Variants in PM20D2 observed in about 807,000 individuals in gnomAD.
PM20D2 encodes peptidase M20 domain containing 2.
Under a neutral mutation model 42.9 loss-of-function variants are expected in PM20D2, and 33 were observed. The observed-to-expected ratio is 0.77, with a 90% CI of 0.58 to 1.03. The LOEUF (loss-of-function observed/expected upper bound fraction) is 1.03, where lower values mean the gene tolerates loss of function less well. Among genes scored for constraint, PM20D2 ranks in the 50% least tolerant of loss-of-function variants. The pLI is 0.00. For missense variants in PM20D2, 548 were observed against 557.0 expected, an observed-to-expected ratio of 0.98 and a Z score of 0.16; for synonymous variants, 250 against 228.2, an observed-to-expected ratio of 1.10 and a Z score of -0.86.
the PM20D2 span, among the ~76,000 whole-genome samples, chr6:89,101,709 A>T: frequency 1.8e-3 from 274 of 152,256 alleles, 3 homozygotes; most frequent in African/African-American, 6.3e-3. Context: ...AAAAAAAATA[A>T]AAATAAAAAT....
the PM20D2 span, among the ~76,000 whole-genome samples, chr6:89,120,040 G>GA: frequency 6.6e-5 from 10 of 152,214 alleles, no homozygotes; most frequent in Non-Finnish European, 1.0e-4. Context: ...GGCAGACAGA[G>GA]AATGAGAGCC....
At chr6:89,154,576 A>C (rs937945097) in intron 3 of PM20D2, among the ~76,000 whole-genome samples, 172 bp from the exon 4 acceptor site, 32 of 152,194 alleles carry the variant, frequency 2.1e-4, no homozygotes, top group African/African-American at 7.7e-4. Flanking sequence ...ACCCTATGTA[A>C]AGAAATTTCA....
At chr6:89,151,334 A>T (rs1770832814) in intron 2 of PM20D2, among the ~76,000 whole-genome samples, 1 of 149,470 alleles carries the variant, frequency 6.7e-6, no homozygotes, top group Admixed American at 6.7e-5. Flanking sequence ...GGTTCAAGGG[A>T]TTCTCCTGCC....
At chr6:89,143,287 T>TC (rs1444669707), upstream of PM20D2, among the ~76,000 whole-genome samples, 2 of 152,232 alleles carry the variant, frequency 1.3e-5, no homozygotes, top group Admixed American at 6.5e-5. Context: ...GGCTGTATTT[T>TC]AGTTGCTTTT....
intron 1 of PM20D2, among the ~76,000 whole-genome samples, chr6:89,146,811 G>C (rs1208662047): frequency 3.3e-5 from 5 of 152,356 alleles, no homozygotes; most frequent in Middle Eastern, 3.4e-3. Context: ...TCGCGTTGCC[G>C]ACCTGGCGAC....
the PM20D2 span, among the ~76,000 whole-genome samples, chr6:89,134,132 T>A: frequency 6.6e-6 from 1 of 151,202 alleles, no homozygotes; most frequent in Non-Finnish European, 1.5e-5. Flanking sequence ...CCTGCCGGCA[T>A]TTATTCAGCA....
chr6:89,155,054 T>C, intron 4 of PM20D2, 152 bp downstream of exon 4: 1 of 639,684 alleles, frequency 1.6e-6, no homozygotes, highest in Non-Finnish European at 2.4e-6. Flanking sequence ...AAGTCTTTAA[T>C]TTTTACACGT....
At chr6:89,119,815 GTC>G in the PM20D2 span, among the ~76,000 whole-genome samples, 1 of 152,006 alleles carries the variant, frequency 6.6e-6, no homozygotes, top group Non-Finnish European at 1.5e-5. Context: ...CTCTTTCTCT[GTC>G]TCTCTCTCTT....
At chr6:89,131,758 A>G in the PM20D2 span, among the ~76,000 whole-genome samples, 274 of 152,240 alleles carry the variant, frequency 1.8e-3, no homozygotes, top group Admixed American at 3.9e-3. Flanking sequence ...GTCCTTGGGA[A>G]GCCACAAGAG....
the PM20D2 span, among the ~76,000 whole-genome samples, chr6:89,127,892 A>G: frequency 4.6e-5 from 7 of 152,200 alleles, no homozygotes; most frequent in Admixed American, 4.6e-4. Flanking sequence ...ATTCCCAAAT[A>G]ATACTTTTAT....
the PM20D2 span, chr6:89,105,686 C>T: frequency 2.1e-6 from 1 of 482,272 alleles, no homozygotes; most frequent in South Asian, 4.3e-5. Context: ...AAAAAACTTT[C>T]ACTTTTTCTC....
At chr6:89,114,274 A>G in the PM20D2 span, among the ~76,000 whole-genome samples, 1 of 152,142 alleles carries the variant, frequency 6.6e-6, no homozygotes, top group African/African-American at 2.4e-5. Flanking sequence ...CTAAAAATAC[A>G]AAAATTAGCC....
At chr6:89,104,223 CTTTT>C in the PM20D2 span, among the ~76,000 whole-genome samples, 72,492 of 123,448 alleles carry the variant, frequency 0.59, 17,983 homozygotes, top group East Asian at 0.72. Flanking sequence ...AACTCATCAC[CTTTT>C]TTTTTTTTTT....
chr6:89,102,291 G>C, the PM20D2 span, among the ~76,000 whole-genome samples: 12 of 152,068 alleles, frequency 7.9e-5, no homozygotes, highest in East Asian at 2.3e-3. Context: ...TTACAGGCAC[G>C]TGCCACCATA....
chr6:89,105,432 C>T, the PM20D2 span: 1 of 1,602,136 alleles, frequency 6.2e-7, no homozygotes, highest in Non-Finnish European at 8.5e-7. Flanking sequence ...CTTACTTTTG[C>T]GATCACCTTG....
chr6:89,097,309 T>C, the PM20D2 span: 5 of 152,170 alleles, frequency 3.3e-5, no homozygotes, highest in African/African-American at 1.2e-4. Context: ...ATAATAATCA[T>C]ATGCAAAACC....
At chr6:89,099,024 C>T in the PM20D2 span, 1 of 1,449,820 alleles carries the variant, frequency 6.9e-7, no homozygotes, top group Non-Finnish European at 9.2e-7. Flanking sequence ...CAGGAACTTA[C>T]ATACTTTACA....
rs367753974 is a variant in PM20D2 at position 89,146,191 on chromosome 6, G to T, written c.47G>T (p.Gly16Val). 5 of 1,545,240 alleles carry T rather than the reference G, an allele frequency of 3.2e-6. No individual in the cohort carries two copies. The African/African-American group carries it at 7.1e-5, about 22-fold the overall frequency. Residue 16 changes from glycine to valine, a missense_variant, in exon 1 of 7, where the codon GGC becomes GTC. By Grantham distance (109) the Gly-to-Val change is moderately radical (BLOSUM62 -3). Coordinates refer to ENST00000275072, the MANE Select transcript of PM20D2 (RefSeq NM_001010853.3). ...ERPVEGGACN[G>V]RSELELLKLR... The stretch of plus-strand genomic sequence containing the variant: ...CCCGTGGAAGGGGGCGCGTGCAATG[G>T]CCGCTCCGAGCTGGAGCTACTGAAG...
upstream of PM20D2, chr6:89,145,982 C>T: frequency 3.8e-6 from 2 of 527,334 alleles, no homozygotes; most frequent in Non-Finnish European, 5.9e-6. Context: ...TCCCGCGCGG[C>T]GCCGGGGGCG....
Sources: gnomAD v4.1 joint callset for allele counts (sites outside exome capture counted in the v4.1 genomes callset) on GRCh38, gnomAD v4.1.1 for gene constraint, MANE v1.5 for transcripts, NCBI Gene and HGNC (gene_info 2026-07-23, HGNC 2026-07-21) for gene names.